The following GRM7 variants were observed in gnomAD, a reference collection of about 807,000 sequenced individuals.
GRM7 encodes the protein metabotropic glutamate receptor 7.
Under a neutral mutation model 84.5 loss-of-function variants are expected in GRM7, and 35 were observed. The observed-to-expected ratio is 0.41, with a 90% CI of 0.32 to 0.55. The LOEUF is 0.55. Ranked by LOEUF, GRM7 falls within the 20% of genes least tolerant of loss-of-function variation. GRM7 has a pLI of 0.19. For synonymous variants in GRM7, 487 were observed against 455.1 expected, an observed-to-expected ratio of 1.07 and a Z score of -0.89; for missense variants, 1,003 against 1,194.6, an observed-to-expected ratio of 0.84 and a Z score of 2.36.
At chr3:7,598,945 A>T (rs963793511) in intron 8 of GRM7, among the ~76,000 whole-genome samples, 12 of 152,206 alleles carry the variant, frequency 7.9e-5, no homozygotes, top group African/African-American at 2.9e-4. Context: ...ATGAGACCAA[A>T]GGGCAAGGAT....
intron 1 of GRM7, among the ~76,000 whole-genome samples, chr3:6,963,993 C>A (rs1303211317): frequency 6.6e-6 from 1 of 152,188 alleles, no homozygotes; most frequent in Non-Finnish European, 1.5e-5. Flanking sequence ...CCATACAAGA[C>A]CATCTACATT....
rs562638125 is a variant in GRM7 at position 7,586,384 on chromosome 3, G to T, written c.2451+7027G>T. Among the ~76,000 whole-genome samples the T allele has an allele frequency of 6.5e-4, 95 of 146,868 alleles. 1 individual carries two copies. Among genetic ancestry groups the T allele is most frequent in the South Asian group, 3.0e-3 (14 of 4,632 alleles). On this transcript the variant is annotated intron_variant, in intron 8 of 9. Transcript: ENST00000357716. Reference sequence around the variant, plus strand: ...TCATGTAAAGACTTGTACATGAGGGGTTTTTTTTTTTGTAGCTTTATTTCT... The same window carrying T: ...TCATGTAAAGACTTGTACATGAGGGTTTTTTTTTTTTGTAGCTTTATTTCT...
intron 1 of GRM7, among the ~76,000 whole-genome samples, chr3:6,891,508 A>G (rs1695944294): frequency 6.6e-6 from 1 of 152,118 alleles, no homozygotes; most frequent in Non-Finnish European, 1.5e-5. Context: ...GTTTGGCTGG[A>G]TATGAAAATC....
At chr3:7,135,684 A>G (rs73122329) in intron 1 of GRM7, among the ~76,000 whole-genome samples, 1,563 of 151,550 alleles carry the variant, frequency 0.01, 22 homozygotes, top group African/African-American at 0.037. Flanking sequence ...GGAAGAATAT[A>G]ATATAAAAAA....
intron 1 of GRM7, among the ~76,000 whole-genome samples, chr3:6,888,329 T>A (rs1358001424): frequency 3.3e-5 from 5 of 152,216 alleles, no homozygotes; most frequent in African/African-American, 9.6e-5. Context: ...TGAATGGTAA[T>A]GCTTAGGTTT....
chr3:7,051,382 G>A lies in GRM7; in HGVS notation c.520-95070G>A, dbSNP rs144658552. The stretch of plus-strand genomic sequence containing the variant: ...CTGCTCAACTGGGCAGGACAGCAGA[G>A]TTCCTAACAAACTGTCAGAAAAATA... On this transcript the variant is annotated intron_variant, in intron 1 of 9. Transcript: ENST00000357716. 3.4e-3 allele frequency among the ~76,000 whole-genome samples: 510 copies of A among 151,750 alleles called. 3 individuals are homozygous for A. The highest frequency in any genetic ancestry group is 0.012 in the African/African-American group (489 of 41,462).
chr3:7,353,880 T>A (rs1200415933), intron 4 of GRM7, among the ~76,000 whole-genome samples: 1 of 152,150 alleles, frequency 6.6e-6, no homozygotes, highest in African/African-American at 2.4e-5. Context: ...ATCAGAATAG[T>A]GTGACTTGTG....
intron 7 of GRM7, among the ~76,000 whole-genome samples, chr3:7,568,265 T>G (rs545311005): frequency 2.0e-5 from 3 of 151,860 alleles, no homozygotes; most frequent in East Asian, 3.9e-4. Context: ...ACAAGATGTA[T>G]TAGACTGTTT....
intron 4 of GRM7, among the ~76,000 whole-genome samples, chr3:7,407,048 A>G (rs1695711827): frequency 6.6e-6 from 1 of 152,202 alleles, no homozygotes; most frequent in Non-Finnish European, 1.5e-5. Flanking sequence ...ACCAACAACA[A>G]TAAAAACCCA....
intron 2 of GRM7, among the ~76,000 whole-genome samples, chr3:7,249,573 A>C (rs2136153): frequency 0.81 from 122,495 of 152,034 alleles, 49,905 homozygotes; most frequent in East Asian, 0.98. Flanking sequence ...GTCTCTGATA[A>C]GGGAAACAAA....
intron 7 of GRM7, among the ~76,000 whole-genome samples, chr3:7,535,609 A>G (rs1701211039): frequency 6.6e-6 from 1 of 152,212 alleles, no homozygotes; most frequent in Non-Finnish European, 1.5e-5. Flanking sequence ...TAACCTCCAT[A>G]TGCTCTAATT....
chr3:7,124,374 C>A (rs773367877), intron 1 of GRM7, among the ~76,000 whole-genome samples: 2 of 152,148 alleles, frequency 1.3e-5, no homozygotes, highest in Non-Finnish European at 2.9e-5. Context: ...GGCATGGTGG[C>A]TCACGCTTGT....
intron 8 of GRM7, among the ~76,000 whole-genome samples, chr3:7,590,432 A>G (rs1695724426): frequency 6.8e-6 from 1 of 146,760 alleles, no homozygotes; most frequent in African/African-American, 2.5e-5. Flanking sequence ...TTTTATTGCT[A>G]CAAAGACAGA....
chr3:6,941,736 A>T (rs1327278456), intron 1 of GRM7, among the ~76,000 whole-genome samples: 1 of 152,162 alleles, frequency 6.6e-6, no homozygotes, highest in Non-Finnish European at 1.5e-5. Flanking sequence ...ATTCATTTGT[A>T]CTTGCATTCT....
intron 7 of GRM7, among the ~76,000 whole-genome samples, chr3:7,518,263 A>T (rs1237731593): frequency 8.5e-5 from 13 of 152,200 alleles, no homozygotes; most frequent in Admixed American, 6.5e-4. Context: ...GCGTCAGGGA[A>T]TTGTAACTAT....
chr3:7,199,324 CA>C (rs1559498307), intron 2 of GRM7, among the ~76,000 whole-genome samples: 1 of 152,202 alleles, frequency 6.6e-6, no homozygotes, highest in Non-Finnish European at 1.5e-5. Context: ...GTGAGGCCTT[CA>C]TGGGCCTTCC....
In GRM7 at chr3:7,298,845, A is replaced by G. The variant is rs1453590858; in HGVS notation, c.878+20A>G. The stretch of plus-strand genomic sequence containing the variant: ...TATAAAGTAAGAATAACTGGTGACA[A>G]TTGTTAATATGCATGTTGCAATTTT... On this transcript the variant is annotated intron_variant, in intron 3 of 9. Coordinates refer to ENST00000357716, the MANE Select transcript of GRM7 (RefSeq NM_000844.4). The G allele has an allele frequency of 6.9e-6, 11 of 1,603,648 alleles. No individual in the cohort carries two copies. Among genetic ancestry groups the G allele is most frequent in the Non-Finnish European group, 9.4e-6 (11 of 1,171,022 alleles).
At chr3:7,305,681 A>T (rs1179593604) in intron 3 of GRM7, among the ~76,000 whole-genome samples, 1 of 152,022 alleles carries the variant, frequency 6.6e-6, no homozygotes, top group Non-Finnish European at 1.5e-5. Flanking sequence ...AAGAAAAAAA[A>T]GTAGAACTGG....
chr3:6,911,228 T>G (rs542429597), intron 1 of GRM7, among the ~76,000 whole-genome samples: 76 of 152,270 alleles, frequency 5.0e-4, no homozygotes, highest in African/African-American at 1.8e-3. Context: ...TTGGCCTACT[T>G]AATACTATTA....
Sources: gnomAD v4.1 joint callset for allele counts (sites outside exome capture counted in the v4.1 genomes callset) on GRCh38, gnomAD v4.1.1 for gene constraint, MANE v1.5 for transcripts, NCBI Gene and HGNC (gene_info 2026-07-23, HGNC 2026-07-21) for gene names.